Variants in ZNF609 observed in about 807,000 individuals in gnomAD.
ZNF609 encodes the protein zinc finger protein 609.
Under a neutral mutation model 109.5 loss-of-function variants are expected in ZNF609, and 11 were observed. That is an observed-to-expected ratio of 0.10 (90% CI 0.06 to 0.17). The LOEUF (loss-of-function observed/expected upper bound fraction) is 0.17, where lower values mean the gene tolerates loss of function less well. Among genes scored for constraint, ZNF609 ranks in the 10% least tolerant of loss-of-function variants. ZNF609 has a pLI of 1.00. For missense variants in ZNF609, 1,559 were observed against 1,772.4 expected, an observed-to-expected ratio of 0.88 and a Z score of 2.16; for synonymous variants, 646 against 662.0, an observed-to-expected ratio of 0.98 and a Z score of 0.37.
At chr15:64,529,773 C>G (rs951886281) in intron 2 of ZNF609, 4 of 509,908 alleles carry the variant, frequency 7.8e-6, no homozygotes, top group African/African-American at 7.7e-5. Flanking sequence ...TCTTGTTACC[C>G]AGGCTGGAGT....
chr15:64,493,182 C>T (rs1214957574), intron 1 of ZNF609, among the ~76,000 whole-genome samples: 1 of 152,036 alleles, frequency 6.6e-6, no homozygotes, highest in Non-Finnish European at 1.5e-5. Flanking sequence ...ATACAGAGAT[C>T]TCTCGGGGGT....
chr15:64,499,053 C>T (rs867755051), intron 1 of ZNF609, among the ~76,000 whole-genome samples: 8 of 152,280 alleles, frequency 5.3e-5, no homozygotes, highest in Middle Eastern at 3.4e-3. Context: ...CTAGTTAAGA[C>T]TTACCATGGA....
rs559003004 is a variant in ZNF609 at position 64,628,938 on chromosome 15, G to A, written c.973+5886G>A. On this transcript the variant is annotated intron_variant, in intron 3 of 9. Transcript: ENST00000326648. ...CCATGCCTGGCCCCTGCTCACTATTGTAATAACATCCTGTCATCAGATTTC... is the reference window on the plus strand; with the variant it reads ...CCATGCCTGGCCCCTGCTCACTATTATAATAACATCCTGTCATCAGATTTC... Among the ~76,000 whole-genome samples the A allele has an allele frequency of 5.7e-4, 86 of 151,890 alleles. 1 individual carries two copies. Among genetic ancestry groups the A allele is most frequent in the African/African-American group, 2.0e-3 (84 of 41,330 alleles).
chr15:64,508,613 C>T (rs998931556), intron 2 of ZNF609, among the ~76,000 whole-genome samples: 9 of 151,292 alleles, frequency 5.9e-5, no homozygotes, highest in Non-Finnish European at 1.0e-4. Context: ...AATGAGAATT[C>T]GATAAAAATT....
At chr15:64,584,212 C>G (rs1477801221) in intron 2 of ZNF609, among the ~76,000 whole-genome samples, 2 of 152,190 alleles carry the variant, frequency 1.3e-5, no homozygotes, top group African/African-American at 4.8e-5. Flanking sequence ...TGACTCGGCA[C>G]TTTGGGAGGC....
chr15:64,653,748 C>T (rs968028697), intron 3 of ZNF609, among the ~76,000 whole-genome samples: 2 of 152,280 alleles, frequency 1.3e-5, no homozygotes, highest in East Asian at 3.9e-4. Flanking sequence ...TAGAATATAG[C>T]TTTGAATAGT....
intron 2 of ZNF609, among the ~76,000 whole-genome samples, chr15:64,520,835 T>A (rs1893880984): frequency 6.6e-6 from 1 of 152,162 alleles, no homozygotes. Flanking sequence ...AAGCTCTGAG[T>A]ACGGGACAGA....
At chr15:64,645,105 C>CCCTTCCTTCCTT (rs71133464) in intron 3 of ZNF609, among the ~76,000 whole-genome samples, 49 of 90,788 alleles carry the variant, frequency 5.4e-4, no homozygotes, top group African/African-American at 1.0e-3. Context: ...CTCCCTCCCT[C>CCCTTCCTTCCTT]CCTTCCTTCC....
intron 2 of ZNF609, among the ~76,000 whole-genome samples, chr15:64,538,989 C>G (rs924122303): frequency 6.6e-6 from 1 of 151,986 alleles, no homozygotes; most frequent in Non-Finnish European, 1.5e-5. Flanking sequence ...CATGCACCAC[C>G]ATGCCTGACT....
intron 2 of ZNF609, among the ~76,000 whole-genome samples, chr15:64,541,175 C>G (rs1894250059): frequency 6.6e-6 from 1 of 151,852 alleles, no homozygotes; most frequent in South Asian, 2.1e-4. Context: ...CGCCTGTAAT[C>G]CCAGCACTTT....
At chr15:64,658,164 T>C (rs1482699432) in intron 3 of ZNF609, among the ~76,000 whole-genome samples, 1 of 152,202 alleles carries the variant, frequency 6.6e-6, no homozygotes, top group African/African-American at 2.4e-5. Flanking sequence ...TTATACTTTT[T>C]GGTCTCAGGA....
chr15:64,674,785 A>G lies in ZNF609; in HGVS notation c.1931A>G (p.Lys644Arg), dbSNP rs1216208901. The G allele has an allele frequency of 2.5e-6, 4 of 1,613,950 alleles. No individual in the cohort carries two copies. In the African/African-American group the frequency reaches 5.3e-5, roughly 22 times the overall value. The part of the protein sequence containing the change: ...KEKCKKPSSL[K>R]PEKIPSKSLK... ...AAATGTAAAAAACCCTCTAGTTTAA[A>G]ACCTGAAAAGATTCCTTCCAAGAGC... The change falls in exon 5 of 10, where the codon AAA becomes AGA. Residue 644 changes from lysine to arginine, a missense_variant. Lys to Arg is a conservative substitution (Grantham distance 26). Transcript: ENST00000326648.
chr15:64,480,014 T>G (rs1893229626), intron 1 of ZNF609, among the ~76,000 whole-genome samples: 1 of 146,718 alleles, frequency 6.8e-6, no homozygotes, highest in Admixed American at 6.8e-5. Context: ...GGTGGGCAGA[T>G]CACCCTGAAG....
chr15:64,614,316 C>T (rs758162001), intron 2 of ZNF609, among the ~76,000 whole-genome samples: 22 of 151,450 alleles, frequency 1.5e-4, no homozygotes, highest in Non-Finnish European at 2.5e-4. Context: ...CTGCAAGCTC[C>T]GCCTCCCAGG....
intron 2 of ZNF609, among the ~76,000 whole-genome samples, chr15:64,519,264 G>A (rs1159787459): frequency 6.6e-6 from 1 of 152,168 alleles, no homozygotes; most frequent in Non-Finnish European, 1.5e-5. Context: ...GACTGGATGT[G>A]TGAGAGAGAG....
At chr15:64,678,647 A>G (rs1435464278) in intron 6 of ZNF609, among the ~76,000 whole-genome samples, 165 bp downstream of exon 6, 1 of 152,186 alleles carries the variant, frequency 6.6e-6, no homozygotes, top group Non-Finnish European at 1.5e-5. Context: ...CATAACCCAT[A>G]GTTCCTTGAA....
At chr15:64,548,751 G>A (rs766392046) in intron 2 of ZNF609, among the ~76,000 whole-genome samples, 1 of 152,046 alleles carries the variant, frequency 6.6e-6, no homozygotes, top group Non-Finnish European at 1.5e-5. Flanking sequence ...AACAGAACAA[G>A]ATCCTGTCTT....
At chr15:64,523,288 G>A (rs1595706887) in intron 2 of ZNF609, among the ~76,000 whole-genome samples, 1 of 152,114 alleles carries the variant, frequency 6.6e-6, no homozygotes, top group East Asian at 1.9e-4. Flanking sequence ...ATGTAATATG[G>A]ACTCCCTTGC....
At chr15:64,563,191 T>C (rs764767015) in intron 2 of ZNF609, among the ~76,000 whole-genome samples, 1 of 151,956 alleles carries the variant, frequency 6.6e-6, no homozygotes, top group Non-Finnish European at 1.5e-5. Context: ...GGCTCACACC[T>C]GTAATCCCAG....
Sources: allele counts gnomAD v4.1 joint callset (sites outside exome capture counted in the v4.1 genomes callset), GRCh38; gene constraint gnomAD v4.1.1; transcripts MANE v1.5; gene names NCBI Gene and HGNC (gene_info 2026-07-23, HGNC 2026-07-21).